Variants in HDAC9 observed in about 807,000 individuals in gnomAD.
HDAC9 encodes histone deacetylase 9.
In HDAC9, 41 loss-of-function variants were observed where a neutral mutation model predicts 139.4. The observed-to-expected ratio is 0.29, with a 90% CI of 0.23 to 0.38. The LOEUF is 0.38. HDAC9 is among the 10% of genes least tolerant of loss of function. The probability of loss-of-function intolerance (pLI) is 1.00; values close to 1 mark genes in which losing one functional copy is unlikely to be tolerated. For synonymous variants in HDAC9, 517 were observed against 476.2 expected, an observed-to-expected ratio of 1.09 and a Z score of -1.12; for missense variants, 1,147 against 1,297.0, an observed-to-expected ratio of 0.88 and a Z score of 1.78.
chr7:18,783,971 C>A (rs968416427), intron 16 of HDAC9, among the ~76,000 whole-genome samples: 1 of 151,978 alleles, frequency 6.6e-6, no homozygotes, highest in Non-Finnish European at 1.5e-5. Flanking sequence ...CTCCAGTCAA[C>A]CATAGTTCCA....
Position 18,591,589 on chromosome 7 carries a change from T to G in HDAC9, c.489T>G (p.Thr163=). The G allele has an allele frequency of 1.2e-6, 2 of 1,613,062 alleles. No homozygotes were observed. Among genetic ancestry groups the G allele is most frequent in the Non-Finnish European group, 1.7e-6 (2 of 1,179,610 alleles). ...FLLSKSATKD[T]PTNGKNHSVS... ...TGAGTAAATCAGCAACGAAAGACAC[T>G]CCAACTAATGGAAAAAATCATTCCG... The change falls in exon 5 of 26, where the codon ACT becomes ACG. Residue 163 remains threonine (T), a synonymous_variant. Transcript: ENST00000686413.
chr7:18,185,946 C>A (rs1457980235), intron 2 of HDAC9, among the ~76,000 whole-genome samples: 8 of 152,128 alleles, frequency 5.3e-5, no homozygotes, highest in Admixed American at 5.2e-4. Context: ...ACTGGGATAT[C>A]ACATATTGCT....
chr7:18,516,566 A>G (rs1803255117), intron 2 of HDAC9, among the ~76,000 whole-genome samples: 1 of 152,178 alleles, frequency 6.6e-6, no homozygotes, highest in African/African-American at 2.4e-5. Context: ...CATTCTAGAT[A>G]GTAATATATT....
intron 2 of HDAC9, among the ~76,000 whole-genome samples, chr7:18,554,943 A>G (rs1818343399): frequency 6.6e-6 from 1 of 152,202 alleles, no homozygotes; most frequent in South Asian, 2.1e-4. Context: ...CAGGAACTAT[A>G]TACTACATCT....
intron 1 of HDAC9, among the ~76,000 whole-genome samples, chr7:18,149,074 T>G (rs975050646): frequency 2.0e-5 from 3 of 152,170 alleles, no homozygotes; most frequent in African/African-American, 7.2e-5. Flanking sequence ...ATTTTAACTG[T>G]TCCATATCCT....
At chr7:18,548,078 AC>A (rs1479415333) in intron 2 of HDAC9, among the ~76,000 whole-genome samples, 1 of 152,038 alleles carries the variant, frequency 6.6e-6, no homozygotes, top group Non-Finnish European at 1.5e-5. Flanking sequence ...TCACTTGAAC[AC>A]TTAGAGGCCA....
chr7:18,934,030 A>G (rs1377594584), intron 22 of HDAC9, among the ~76,000 whole-genome samples: 1 of 152,168 alleles, frequency 6.6e-6, no homozygotes, highest in African/African-American at 2.4e-5. Context: ...ATATTTACAG[A>G]CAATGTCCAC....
chr7:18,572,571 T>A (rs945005456), intron 2 of HDAC9, among the ~76,000 whole-genome samples: 1 of 151,926 alleles, frequency 6.6e-6, no homozygotes, highest in Non-Finnish European at 1.5e-5. Context: ...AGAGGAAGAG[T>A]ATTAGATCTG....
intron 23 of HDAC9, among the ~76,000 whole-genome samples, chr7:18,939,525 A>G (rs919187772): frequency 6.6e-6 from 1 of 152,190 alleles, no homozygotes; most frequent in African/African-American, 2.4e-5. Context: ...TGACAATATA[A>G]TTTATAATCC....
At chr7:18,995,538 T>A (rs1322480961) in intron 25 of HDAC9, among the ~76,000 whole-genome samples, 1 of 152,212 alleles carries the variant, frequency 6.6e-6, no homozygotes, top group Non-Finnish European at 1.5e-5. Flanking sequence ...GCTAATCAAA[T>A]TCAGAATTTG....
chr7:18,380,248 G>C (rs1276444098), intron 1 of HDAC9, among the ~76,000 whole-genome samples: 1 of 151,580 alleles, frequency 6.6e-6, no homozygotes, highest in Non-Finnish European at 1.5e-5. Context: ...TAGTAAATAG[G>C]GAAAATTATA....
chr7:18,194,388 T>C (rs1451528154), intron 2 of HDAC9, among the ~76,000 whole-genome samples: 3 of 152,128 alleles, frequency 2.0e-5, no homozygotes, highest in Admixed American at 6.5e-5. Context: ...ATCATTTTCA[T>C]TGTGGTTAAA....
At chr7:18,830,837 T>C (rs972431317) in intron 19 of HDAC9, among the ~76,000 whole-genome samples, 2 of 152,222 alleles carry the variant, frequency 1.3e-5, no homozygotes, top group Non-Finnish European at 2.9e-5. Flanking sequence ...CTAGATATAC[T>C]ACAGCAGCAA....
intron 16 of HDAC9, among the ~76,000 whole-genome samples, chr7:18,771,539 G>A (rs530075444): frequency 8.5e-6 from 1 of 118,096 alleles, no homozygotes; most frequent in Non-Finnish European, 1.8e-5. Context: ...TTACAGATAT[G>A]TGTGTGTGTG....
chr7:18,883,622 A>G lies in HDAC9; in HGVS notation c.2803+9026A>G, dbSNP rs537432471. Among the ~76,000 whole-genome samples, 37 of 152,244 alleles carry G rather than the reference A, an allele frequency of 2.4e-4. No homozygotes were observed. In the South Asian group the frequency reaches 6.2e-3, roughly 26 times the overall value. ...AAATAAAAGTTTTTTTCCTAAGGTC[A>G]GGAACAAGATAAGGATGCTCACTCT... On this transcript the variant is annotated intron_variant, in intron 22 of 25. Transcript: ENST00000686413.
At chr7:18,922,063 C>T (rs1803791773) in intron 22 of HDAC9, among the ~76,000 whole-genome samples, 1 of 114,448 alleles carries the variant, frequency 8.7e-6, no homozygotes, top group African/African-American at 3.4e-5. Context: ...GAACATCACA[C>T]ACTGGGGCCT....
At chr7:18,549,202 C>T (rs1816252131) in intron 2 of HDAC9, among the ~76,000 whole-genome samples, 1 of 152,166 alleles carries the variant, frequency 6.6e-6, no homozygotes, top group South Asian at 2.1e-4. Flanking sequence ...TGCACCACTG[C>T]ACTCCAGCCT....
intron 2 of HDAC9, among the ~76,000 whole-genome samples, chr7:18,207,807 C>T (rs111801163): frequency 0.05 from 7,619 of 151,800 alleles, 300 homozygotes; most frequent in African/African-American, 0.1. Context: ...CTCCGCCTCC[C>T]GGGTTCAAGC....
At position 18,996,679 on chromosome 7, in the gene HDAC9, T is replaced by C. The variant is rs1156597631; in HGVS notation, c.*617T>C. ...TGGAGGAACTAGCATGAGGCTTTTT[T>C]CAGTATCTCGAAGTCCAAATGCCAA... is the stretch of plus-strand genomic sequence containing the variant. On this transcript the variant is annotated 3_prime_UTR_variant, in exon 26 of 26. Coordinates refer to ENST00000686413, the MANE Select transcript of HDAC9 (RefSeq NM_178425.4). 1.3e-5 allele frequency: 2 copies of C among 152,272 alleles called. No homozygotes were observed. Among genetic ancestry groups the C allele is most frequent in the Admixed American group, 1.3e-4 (2 of 15,268 alleles). The allele number at this position is 152,272 out of a possible 1,614,324, so 9.4% of individuals were successfully genotyped here. A position where few individuals can be genotyped will look rare whatever the true frequency, so the allele number is the denominator to read the frequency against.
Sources: allele counts gnomAD v4.1 joint callset (sites outside exome capture counted in the v4.1 genomes callset), GRCh38; gene constraint gnomAD v4.1.1; transcripts MANE v1.5; gene names NCBI Gene and HGNC (gene_info 2026-07-23, HGNC 2026-07-21).